The following BANP variants were observed in gnomAD, a reference collection of about 807,000 sequenced individuals.
BANP encodes the protein BTG3 associated nuclear protein, also known as protein BANP.
In BANP, 11 loss-of-function variants were observed where a neutral mutation model predicts 68.1. The observed-to-expected ratio is 0.16, with a 90% confidence interval of 0.10 to 0.27. The LOEUF (loss-of-function observed/expected upper bound fraction) is 0.27. BANP is among the 10% of genes least tolerant of loss of function. The pLI is 1.00. For missense variants in BANP, 504 were observed against 722.7 expected (o/e 0.70, Z 3.47); for synonymous variants, 329 against 303.2 (o/e 1.09, Z -0.88).
intron 8 of BANP, among the ~76,000 whole-genome samples, chr16:88,030,692 G>A (rs781556052): frequency 4.6e-5 from 7 of 152,220 alleles, no homozygotes; most frequent in Non-Finnish European, 8.8e-5. Flanking sequence ...GTGCAACAGC[G>A]TGTGAAGCCG....
chr16:88,059,113 G>C (rs2085971390), intron 11 of BANP, among the ~76,000 whole-genome samples: 1 of 151,302 alleles, frequency 6.6e-6, no homozygotes, highest in Admixed American at 6.6e-5. Context: ...GTGTGCTGAG[G>C]TCCGTGCTCC....
At position 88,023,892 on chromosome 16, in the gene BANP, C is replaced by T. The variant is rs1443163913; in HGVS notation, c.896-3591C>T. On this transcript the variant is annotated intron_variant, in intron 7 of 13. Transcript: ENST00000682872. ...CTGAGCCTGGAAGGCAATCCCGTCC[C>T]GGCCTTGAGGGGCCTCGGTTGGTGT... Among the ~76,000 whole-genome samples the T allele has an allele frequency of 1.1e-4, 16 of 152,286 alleles. No individual in the cohort carries two copies. The East Asian group carries it at 2.3e-3, about 22-fold the overall frequency.
intron 11 of BANP, among the ~76,000 whole-genome samples, chr16:88,039,984 T>C (rs2080341687): frequency 6.6e-6 from 1 of 152,232 alleles, no homozygotes; most frequent in Non-Finnish European, 1.5e-5. Context: ...AAATAATAAT[T>C]TATAAATCAC....
intron 1 of BANP, among the ~76,000 whole-genome samples, chr16:87,953,085 G>A (rs2057309913): frequency 6.6e-6 from 1 of 152,096 alleles, no homozygotes; most frequent in Non-Finnish European, 1.5e-5. Context: ...GGAGGCAGAG[G>A]CTGCGTCCAC....
At chr16:87,966,273 A>G (rs1457587034) in intron 1 of BANP, among the ~76,000 whole-genome samples, 1 of 151,810 alleles carries the variant, frequency 6.6e-6, no homozygotes, top group African/African-American at 2.4e-5. Flanking sequence ...GCTTTCCCAT[A>G]TGCGCCCTGA....
chr16:87,975,825 ATC>A (rs1377423183), intron 2 of BANP, among the ~76,000 whole-genome samples: 3 of 96,556 alleles, frequency 3.1e-5, no homozygotes, highest in African/African-American at 6.6e-5. Context: ...ATGGAACCTT[ATC>A]ATGTTGTGTG....
At chr16:87,958,656 T>C (rs964948791) in intron 1 of BANP, among the ~76,000 whole-genome samples, 3 of 152,160 alleles carry the variant, frequency 2.0e-5, no homozygotes, top group South Asian at 2.1e-4. Flanking sequence ...TGAGCCATGA[T>C]TGCACCACTG....
At chr16:88,012,816 A>AT (rs921058093) in intron 6 of BANP, among the ~76,000 whole-genome samples, 1 of 152,228 alleles carries the variant, frequency 6.6e-6, no homozygotes, top group African/African-American at 2.4e-5. Flanking sequence ...TTGTGTTTCA[A>AT]TTATTGGTTA....
chr16:88,075,571 G>A (rs548898860), intron 13 of BANP, among the ~76,000 whole-genome samples: 1 of 152,180 alleles, frequency 6.6e-6, no homozygotes, highest in East Asian at 1.9e-4. Flanking sequence ...CCGTGGGCTC[G>A]GCCGTGGGCT....
chr16:88,009,509 C>G (rs1340442956), intron 6 of BANP, among the ~76,000 whole-genome samples: 1 of 152,202 alleles, frequency 6.6e-6, no homozygotes, highest in African/African-American at 2.4e-5. Context: ...TGCAAAGATA[C>G]CATATCATTT....
At chr16:88,008,354 T>C (rs1316368792) in intron 6 of BANP, among the ~76,000 whole-genome samples, 1 of 152,214 alleles carries the variant, frequency 6.6e-6, no homozygotes, top group Non-Finnish European at 1.5e-5. Context: ...ACATGAAATT[T>C]GAGGAAAGGA....
intron 12 of BANP, among the ~76,000 whole-genome samples, chr16:88,068,936 A>T (rs1258603887): frequency 2.7e-5 from 4 of 150,792 alleles, no homozygotes; most frequent in Non-Finnish European, 4.4e-5. Flanking sequence ...GCTGACAGGG[A>T]CTTGCTCTCT....
At chr16:87,995,636 G>A (rs373930850) in intron 4 of BANP, among the ~76,000 whole-genome samples, 2 of 152,210 alleles carry the variant, frequency 1.3e-5, no homozygotes, top group African/African-American at 2.4e-5. Context: ...AGAGTGTCAC[G>A]TGGTGAGGCT....
At chr16:88,019,089 T>C (rs1344823076) in intron 7 of BANP, among the ~76,000 whole-genome samples, 1 of 152,180 alleles carries the variant, frequency 6.6e-6, no homozygotes, top group Non-Finnish European at 1.5e-5. Flanking sequence ...CTGAGAGGGC[T>C]GGGCCTCAGC....
intron 13 of BANP, among the ~76,000 whole-genome samples, chr16:88,074,970 G>A (rs1325320470): frequency 2.0e-5 from 3 of 152,224 alleles, no homozygotes; most frequent in African/African-American, 7.2e-5. Flanking sequence ...TTGTGAGGCC[G>A]AGGCAGGGGC....
Position 88,071,540 on chromosome 16 carries a change from C to A in BANP, c.1378-529C>A, listed in dbSNP as rs1258329546. Reference sequence around the variant, plus strand: ...CATCTTGGAACTGGGCCTCACTTTCCTGCGAGCTTCTGCTGGGTTCTCAGT... The same window carrying A: ...CATCTTGGAACTGGGCCTCACTTTCATGCGAGCTTCTGCTGGGTTCTCAGT... On this transcript the variant is annotated intron_variant, in intron 12 of 13. Transcript: ENST00000682872. The surrounding 1 kb of genome is among the most constrained non-coding windows in gnomAD (Gnocchi z 6.5). 1 of 456,630 alleles carries A rather than the reference C, an allele frequency of 2.2e-6. No individual in the cohort carries two copies. Among genetic ancestry groups the A allele is most frequent in the Admixed American group, 2.3e-5 (1 of 42,586 alleles). 28.3% of individuals were successfully genotyped at this position (456,630 alleles called of 1,614,324 possible).
chr16:87,966,027 A>G (rs967674780), intron 1 of BANP, among the ~76,000 whole-genome samples: 1 of 152,186 alleles, frequency 6.6e-6, no homozygotes, highest in Admixed American at 6.5e-5. Context: ...ACACGTGGAC[A>G]CCATGTTTAG....
Position 87,975,096 on chromosome 16 carries a change from G to A in BANP, c.-20G>A, listed in dbSNP as rs746919804. 19 of 1,589,492 alleles carry A rather than the reference G, an allele frequency of 1.2e-5. 1 individual carries two copies. The East Asian group carries it at 1.3e-4, about 11-fold the overall frequency. ...TGAGTTGAACTCTTTCGTGTTGACCGGCCACTCTCCGTGCTCTGGATGATG... is the reference window on the plus strand; with the variant it reads ...TGAGTTGAACTCTTTCGTGTTGACCAGCCACTCTCCGTGCTCTGGATGATG... On this transcript the variant is annotated 5_prime_UTR_variant, in exon 2 of 14. Transcript: ENST00000682872.
Position 88,033,312 on chromosome 16 carries a change from G to T in BANP, c.1200+67G>T, listed in dbSNP as rs1298324481. On this transcript the variant is annotated intron_variant, in intron 9 of 13. Coordinates refer to ENST00000682872, the MANE Select transcript of BANP (RefSeq NM_001386991.1). The stretch of plus-strand genomic sequence containing the variant: ...CGGGGTGGGCCACGGCAGGGCCATG[G>T]CGGCTTCCACCGGTTCCGCTGTGTT... The T allele has an allele frequency of 2.8e-6, 4 of 1,429,070 alleles. No individual in the cohort carries two copies. The South Asian group carries it at 6.2e-5, about 22-fold the overall frequency. The allele number at this position is 1,429,070 out of a possible 1,614,324, so 88.5% of individuals were successfully genotyped here. A position where few individuals can be genotyped will look rare whatever the true frequency, so the allele number is the denominator to read the frequency against.
Sources: gnomAD v4.1 joint callset for allele counts (sites outside exome capture counted in the v4.1 genomes callset) on GRCh38, gnomAD v4.1.1 for gene constraint, Gnocchi (gnomAD v3.1) non-coding constraint, MANE v1.5 for transcripts, NCBI Gene and HGNC (gene_info 2026-07-23, HGNC 2026-07-21) for gene names.